Variants in ATP2C2 observed in about 807,000 individuals in gnomAD.
ATP2C2 encodes ATPase secretory pathway Ca2+ transporting 2, also known as calcium-transporting ATPase type 2C member 2.
In ATP2C2, 171 loss-of-function variants were observed where a neutral mutation model predicts 110.8. That is an observed-to-expected ratio of 1.54 (90% confidence interval 1.36 to 1.75). ATP2C2 has a LOEUF of 1.75. Ranked by LOEUF, ATP2C2 falls within the 40% of genes most tolerant of loss-of-function variation. The pLI is 0.00. For missense variants in ATP2C2, 1,963 were observed against 1,235.0 expected, an observed-to-expected ratio of 1.59 and a Z score of -8.84; for synonymous variants, 804 against 508.4, an observed-to-expected ratio of 1.58 and a Z score of -7.82.
At chr16:84,458,837 G>A (rs954566641) in intron 21 of ATP2C2, among the ~76,000 whole-genome samples, 1 of 152,188 alleles carries the variant, frequency 6.6e-6, no homozygotes, top group Non-Finnish European at 1.5e-5. Context: ...CCCTGGGCTC[G>A]GCCGGAGAGT....
intron 26 of ATP2C2, chr16:84,462,821 C>A (rs530177167): frequency 2.0e-5 from 3 of 152,706 alleles, no homozygotes; most frequent in African/African-American, 7.2e-5. Context: ...ATGGGCCCAC[C>A]GCCTCCCCGC....
intron 1 of ATP2C2, among the ~76,000 whole-genome samples, chr16:84,385,210 G>C (rs999933959): frequency 6.6e-6 from 1 of 152,180 alleles, no homozygotes; most frequent in Non-Finnish European, 1.5e-5. Context: ...CAAAGGAGGA[G>C]TGAAGTGTCT....
chr16:84,409,095 A>G (rs1020072765), intron 4 of ATP2C2, among the ~76,000 whole-genome samples: 5 of 152,122 alleles, frequency 3.3e-5, no homozygotes, highest in African/African-American at 9.7e-5. Flanking sequence ...TGAATGACCT[A>G]TTCTGGATAT....
Position 84,410,679 on chromosome 16 carries a change from G to C in ATP2C2, c.454-25G>C, listed in dbSNP as rs115292030. The C allele has an allele frequency of 3.7e-4, 598 of 1,614,042 alleles. 1 individual carries two copies. In the African/African-American group the frequency reaches 6.9e-3, roughly 19 times the overall value. On this transcript the variant is annotated intron_variant, in intron 5 of 26. Coordinates refer to ENST00000262429, the MANE Select transcript of ATP2C2 (RefSeq NM_014861.4). ...TTCATGGAGTCCCCACCTTTAAACA[G>C]CACATCTGATGTGCTTCCTGCCAGG... is the stretch of plus-strand genomic sequence containing the variant.
At chr16:84,435,984 C>T (rs532996589) in intron 11 of ATP2C2, among the ~76,000 whole-genome samples, 2 of 152,226 alleles carry the variant, frequency 1.3e-5, no homozygotes, top group East Asian at 1.9e-4. Context: ...CAAAAATTAG[C>T]CAGGTGTGGT....
chr16:84,452,206 C>T (rs540831226), intron 18 of ATP2C2, 115 bp downstream of exon 18: 27 of 1,286,944 alleles, frequency 2.1e-5, no homozygotes, highest in South Asian at 5.8e-5. Context: ...CACGCCTAGC[C>T]CTACAGGCTT....
At chr16:84,449,273 CAG>C (rs1910038567) in intron 17 of ATP2C2, among the ~76,000 whole-genome samples, 1 of 152,330 alleles carries the variant, frequency 6.6e-6, no homozygotes, top group East Asian at 1.9e-4. Flanking sequence ...CTTCGGGGAA[CAG>C]AGTTTGTAGG....
chr16:84,416,242 T>A (rs1861865784), intron 7 of ATP2C2, among the ~76,000 whole-genome samples: 1 of 152,184 alleles, frequency 6.6e-6, no homozygotes, highest in Non-Finnish European at 1.5e-5. Context: ...GTGTCACAGC[T>A]TCACAGAGCC....
At chr16:84,396,112 C>A (rs1348240921) in intron 1 of ATP2C2, among the ~76,000 whole-genome samples, 1 of 152,102 alleles carries the variant, frequency 6.6e-6, no homozygotes, top group African/African-American at 2.4e-5. Context: ...ATAACATCTT[C>A]AAGGTTCATC....
At chr16:84,415,958 A>G (rs1906798005) in intron 7 of ATP2C2, among the ~76,000 whole-genome samples, 1 of 152,180 alleles carries the variant, frequency 6.6e-6, no homozygotes, top group Non-Finnish European at 1.5e-5. Flanking sequence ...CGGGTGGATC[A>G]CTTAAGGTCA....
At position 84,446,579 on chromosome 16, in the gene ATP2C2, T is replaced by G. The variant is rs1597854371; in HGVS notation, c.1503+149T>G. On this transcript the variant is annotated intron_variant, in intron 16 of 26. Transcript: ENST00000262429. ...ACATGGAAAAACTTAATCACCATCA[T>G]ACCTTTGATTCTCTTGGGTCTGCTT... 3 of 516,546 alleles carry G rather than the reference T, an allele frequency of 5.8e-6. No individual in the cohort carries two copies. In the East Asian group the frequency reaches 9.9e-5, roughly 17 times the overall value. The allele number at this position is 516,546 out of a possible 1,614,324, so 32.0% of individuals were successfully genotyped here.
chr16:84,440,986 A>C, intron 14 of ATP2C2, 28 bp downstream of exon 14: 1 of 1,554,168 alleles, frequency 6.4e-7, no homozygotes, highest in Non-Finnish European at 8.8e-7. Context: ...CATGAGGGAA[A>C]TAGGCATTTA....
intron 6 of ATP2C2, among the ~76,000 whole-genome samples, chr16:84,412,356 G>GTGTGTGTGCA (rs71151208): frequency 0.52 from 77,079 of 148,924 alleles, 20,072 homozygotes; most frequent in Middle Eastern, 0.57. Context: ...GTCTGCGTGC[G>GTGTGTGTGCA]TGTGTGCATG....
In ATP2C2 at chr16:84,423,276, G is replaced by T. The variant is rs375177699; in HGVS notation, c.919+13G>T. ...TTTGGCATAATCGGTGAGTGAAGCA[G>T]TTTCCATACTGGGTTTGTTCTGCAG... On this transcript the variant is annotated intron_variant, in intron 10 of 26. Transcript: ENST00000262429. The T allele has an allele frequency of 6.2e-7, 1 of 1,611,548 alleles. No homozygotes were observed. The highest frequency in any genetic ancestry group is 1.3e-5 in the African/African-American group (1 of 74,986).
chr16:84,428,989 G>T (rs1215982977), intron 11 of ATP2C2, among the ~76,000 whole-genome samples: 7 of 152,082 alleles, frequency 4.6e-5, no homozygotes, highest in Non-Finnish European at 1.0e-4. Flanking sequence ...CCAGGTTCTC[G>T]GTTTGTTTTA....
intron 7 of ATP2C2, among the ~76,000 whole-genome samples, chr16:84,421,144 C>G (rs1230503812): frequency 6.6e-6 from 1 of 152,172 alleles, no homozygotes; most frequent in Non-Finnish European, 1.5e-5. Context: ...CAGGTATTTT[C>G]CAGAATGTTC....
At chr16:84,391,434 G>C (rs1804021361) in intron 1 of ATP2C2, among the ~76,000 whole-genome samples, 1 of 152,226 alleles carries the variant, frequency 6.6e-6, no homozygotes, top group African/African-American at 2.4e-5. Context: ...TGGTACCTGT[G>C]AATGCAACCT....
intron 7 of ATP2C2, among the ~76,000 whole-genome samples, chr16:84,421,788 G>A (rs2150543992): frequency 1.3e-5 from 2 of 152,336 alleles, no homozygotes; most frequent in Middle Eastern, 3.4e-3. Context: ...TTCCCCATAT[G>A]CAAAATGGGG....
chr16:84,390,909 T>G (rs1904617151), intron 1 of ATP2C2, among the ~76,000 whole-genome samples: 1 of 151,040 alleles, frequency 6.6e-6, no homozygotes, highest in Non-Finnish European at 1.5e-5. Flanking sequence ...AGGTCAGGAG[T>G]TTGAGACCAG....
Sources: gnomAD v4.1 joint callset for allele counts (sites outside exome capture counted in the v4.1 genomes callset) on GRCh38, gnomAD v4.1.1 for gene constraint, MANE v1.5 for transcripts, NCBI Gene and HGNC (gene_info 2026-07-23, HGNC 2026-07-21) for gene names.